SCAND3: variants seen among roughly 807,000 people sequenced by gnomAD.
SCAND3 encodes SCAN domain containing 3.
the SCAND3 span, among the ~76,000 whole-genome samples, chr6:28,607,184 G>A: frequency 1.3e-5 from 2 of 152,074 alleles, no homozygotes; most frequent in Non-Finnish European, 2.9e-5. Flanking sequence ...TAGAGCGCGT[G>A]CTTAGCATGT....
chr6:28,577,423 C>A, the SCAND3 span, among the ~76,000 whole-genome samples: 1 of 152,134 alleles, frequency 6.6e-6, no homozygotes, highest in Admixed American at 6.5e-5. Flanking sequence ...CTGTCAGCCA[C>A]CCCTAACCCC....
the SCAND3 span, chr6:28,589,528 T>A: frequency 1.3e-5 from 2 of 152,146 alleles, 1 homozygote; most frequent in South Asian, 4.2e-4. Flanking sequence ...TCCCATCGAA[T>A]TCTCGTCGAA....
chr6:28,574,664 G>A, the SCAND3 span: 1 of 1,613,478 alleles, frequency 6.2e-7, no homozygotes, highest in Non-Finnish European at 8.5e-7. Flanking sequence ...ACTTTGTCTG[G>A]TGAAAATGGT....
the SCAND3 span, among the ~76,000 whole-genome samples, chr6:28,607,166 C>G: frequency 6.6e-6 from 1 of 151,902 alleles, no homozygotes; most frequent in Non-Finnish European, 1.5e-5. Flanking sequence ...GGGGGTGTAG[C>G]TCAGTGGTAG....
At chr6:28,584,345 T>A in the SCAND3 span, among the ~76,000 whole-genome samples, 1 of 151,006 alleles carries the variant, frequency 6.6e-6, no homozygotes, top group Non-Finnish European at 1.5e-5. Context: ...TAAAAGACAA[T>A]TTTTTTCTCT....
chr6:28,610,922 T>C, the SCAND3 span, among the ~76,000 whole-genome samples: 1 of 152,212 alleles, frequency 6.6e-6, no homozygotes, highest in Non-Finnish European at 1.5e-5. Context: ...AAATACTGCA[T>C]TCCCTTAGTG....
At chr6:28,604,718 C>G in the SCAND3 span, among the ~76,000 whole-genome samples, 4 of 151,914 alleles carry the variant, frequency 2.6e-5, no homozygotes, top group African/African-American at 9.7e-5. Context: ...GTAATCATAT[C>G]CTTAATTTAT....
At chr6:28,575,844 T>A in the SCAND3 span, 2 of 1,613,978 alleles carry the variant, frequency 1.2e-6, no homozygotes, top group Non-Finnish European at 1.7e-6. This position sits in a 1 kb window ranked among gnomAD's most constrained non-coding sequence, Gnocchi z 4.2. Flanking sequence ...CAGCCTCAAT[T>A]AGCTTCTCAT....
the SCAND3 span, chr6:28,598,124 CT>C: frequency 6.6e-6 from 1 of 152,150 alleles, no homozygotes; most frequent in Non-Finnish European, 1.5e-5. Flanking sequence ...TGGGGCAATC[CT>C]TCCTAGAGCA....
the SCAND3 span, chr6:28,574,913 G>A: frequency 6.2e-7 from 1 of 1,613,926 alleles, no homozygotes; most frequent in South Asian, 1.1e-5. Flanking sequence ...AAAAATCTTA[G>A]TCTGCTCTCA....
chr6:28,579,098 C>A, the SCAND3 span, among the ~76,000 whole-genome samples: 6,196 of 152,246 alleles, frequency 0.041, 184 homozygotes, highest in Non-Finnish European at 0.062. This position sits in a 1 kb window ranked among gnomAD's most constrained non-coding sequence, Gnocchi z 4.5. Context: ...ACATTATTAT[C>A]TGACTGTTTT....
At chr6:28,596,622 A>G in the SCAND3 span, among the ~76,000 whole-genome samples, 1 of 150,126 alleles carries the variant, frequency 6.7e-6, no homozygotes, top group Non-Finnish European at 1.5e-5. Context: ...AATAAAAAAT[A>G]TATATTTTTT....
chr6:28,583,170 A>T, the SCAND3 span, among the ~76,000 whole-genome samples: 1 of 152,022 alleles, frequency 6.6e-6, no homozygotes, highest in Non-Finnish European at 1.5e-5. Context: ...AGGTGGGCGG[A>T]TCACGAGGTC....
At chr6:28,591,907 T>C in the SCAND3 span, among the ~76,000 whole-genome samples, 1 of 152,180 alleles carries the variant, frequency 6.6e-6, no homozygotes, top group Non-Finnish European at 1.5e-5. Context: ...AGCAAATTAA[T>C]GGTAGCTGAT....
the SCAND3 span, among the ~76,000 whole-genome samples, chr6:28,595,946 A>T: frequency 6.6e-6 from 1 of 152,214 alleles, no homozygotes; most frequent in Non-Finnish European, 1.5e-5. Context: ...ACTTTGGGTC[A>T]TTCTGATGTA....
chr6:28,586,590 T>C, the SCAND3 span: 2 of 1,614,174 alleles, frequency 1.2e-6, no homozygotes, highest in Non-Finnish European at 1.7e-6. This position sits in a 1 kb window ranked among gnomAD's most constrained non-coding sequence, Gnocchi z 4.4. Context: ...ATAAGACAAA[T>C]TCCTACGTAG....
chr6:28,586,749 C>T, the SCAND3 span: 5 of 1,583,734 alleles, frequency 3.2e-6, no homozygotes, highest in Non-Finnish European at 4.3e-6. This position sits in a 1 kb window ranked among gnomAD's most constrained non-coding sequence, Gnocchi z 4.4. Flanking sequence ...CAAAGGTTCT[C>T]TCCAGTTGGG....
the SCAND3 span, among the ~76,000 whole-genome samples, chr6:28,592,026 C>T: frequency 3.9e-4 from 59 of 152,190 alleles, no homozygotes; most frequent in South Asian, 6.8e-3. This position sits in a 1 kb window ranked among gnomAD's most constrained non-coding sequence, Gnocchi z 4.1. Flanking sequence ...TCCATAGATA[C>T]GGAAAAAGTA....
At chr6:28,590,404 C>T in the SCAND3 span, 2 of 152,208 alleles carry the variant, frequency 1.3e-5, no homozygotes, top group African/African-American at 2.4e-5. Flanking sequence ...CTCCCCTGAA[C>T]TGTGTGTGTA....
Sources: allele counts gnomAD v4.1 joint callset (sites outside exome capture counted in the v4.1 genomes callset), GRCh38; gene constraint gnomAD v4.1.1; non-coding constraint Gnocchi (gnomAD v3.1); transcripts MANE v1.5; gene names NCBI Gene and HGNC (gene_info 2026-07-23, HGNC 2026-07-21).